HS6ST3: variants seen among roughly 807,000 people sequenced by gnomAD.
HS6ST3 encodes heparan sulfate 6-O-sulfotransferase 3, also known as heparan-sulfate 6-O-sulfotransferase 3.
In HS6ST3, 12 loss-of-function variants were observed where a neutral mutation model predicts 36.7. The observed-to-expected ratio is 0.33, with a 90% CI of 0.21 to 0.53. HS6ST3 has a LOEUF of 0.53. HS6ST3 is among the 20% of genes least tolerant of loss of function. HS6ST3 has a pLI of 0.95. For missense variants in HS6ST3, 584 were observed against 640.9 expected, an observed-to-expected ratio of 0.91 and a Z score of 0.96; for synonymous variants, 240 against 257.5, an observed-to-expected ratio of 0.93 and a Z score of 0.65.
intron 1 of HS6ST3, among the ~76,000 whole-genome samples, chr13:96,222,024 T>C (rs2054458198): frequency 1.3e-5 from 2 of 152,226 alleles, no homozygotes; most frequent in Admixed American, 1.3e-4. Context: ...AACTGTAGCA[T>C]GTTGATTTAA....
chr13:96,169,539 C>G (rs558590393), intron 1 of HS6ST3: 2 of 152,462 alleles, frequency 1.3e-5, no homozygotes, highest in South Asian at 4.2e-4. Flanking sequence ...GTCTTTGCAA[C>G]CATGAGCCCT....
At chr13:96,696,989 TA>T (rs1875146862) in intron 1 of HS6ST3, among the ~76,000 whole-genome samples, 1 of 151,520 alleles carries the variant, frequency 6.6e-6, no homozygotes, top group East Asian at 1.9e-4. Context: ...AATGCAGCAC[TA>T]AAAAAAAGCA....
rs188091902 is a variant in HS6ST3, at chr13:96,722,044, T to C, written c.708-110446T>C. Reference sequence around the variant, plus strand: ...CACTTTGGGAGGTTGGATGGGCGGATCACCTGAGGTCAGGAGTTTGAGACC... The same window carrying C: ...CACTTTGGGAGGTTGGATGGGCGGACCACCTGAGGTCAGGAGTTTGAGACC... On this transcript the variant is annotated intron_variant, in intron 1 of 1. Transcript: ENST00000376705. Among the ~76,000 whole-genome samples, 185 of 152,180 alleles carry C rather than the reference T, an allele frequency of 1.2e-3. 1 individual carries two copies. The highest frequency in any genetic ancestry group is 3.4e-3 in the Middle Eastern group (1 of 294).
intron 1 of HS6ST3, among the ~76,000 whole-genome samples, chr13:96,513,245 T>C (rs2056058151): frequency 6.6e-6 from 1 of 152,122 alleles, no homozygotes; most frequent in Non-Finnish European, 1.5e-5. Context: ...ACAATATATT[T>C]TGGCCTTGAT....
chr13:96,700,607 A>G (rs1416129788), intron 1 of HS6ST3, among the ~76,000 whole-genome samples: 1 of 152,190 alleles, frequency 6.6e-6, no homozygotes, highest in Non-Finnish European at 1.5e-5. Context: ...TTTTTATCTC[A>G]TATAAGAAAC....
At chr13:96,163,049 G>A (rs1195434144) in intron 1 of HS6ST3, among the ~76,000 whole-genome samples, 3 of 151,984 alleles carry the variant, frequency 2.0e-5, no homozygotes, top group Non-Finnish European at 2.9e-5. Context: ...CTTCTAACAA[G>A]GGGTGGAATG....
intron 1 of HS6ST3, among the ~76,000 whole-genome samples, chr13:96,607,009 A>C (rs949262392): frequency 6.6e-6 from 1 of 152,168 alleles, no homozygotes; most frequent in African/African-American, 2.4e-5. Flanking sequence ...TCCCTGTGGA[A>C]GAAACTTGGA....
At chr13:96,811,434 G>T (rs2138535352) in intron 1 of HS6ST3, among the ~76,000 whole-genome samples, 1 of 152,278 alleles carries the variant, frequency 6.6e-6, no homozygotes, top group Middle Eastern at 3.4e-3. Flanking sequence ...TGAATGTCTT[G>T]AGCTCTATGT....
intron 1 of HS6ST3, among the ~76,000 whole-genome samples, chr13:96,502,706 C>A (rs138012105): frequency 2.6e-5 from 4 of 152,080 alleles, no homozygotes; most frequent in Non-Finnish European, 5.9e-5. Flanking sequence ...ATGTCTGGGA[C>A]GGGAACATGC....
chr13:96,296,483 A>G (rs1429755048), intron 1 of HS6ST3, among the ~76,000 whole-genome samples: 2 of 152,134 alleles, frequency 1.3e-5, no homozygotes, highest in African/African-American at 4.8e-5. Context: ...ACTCTTGGGA[A>G]AGTGATGGTG....
At chr13:96,227,343 T>C (rs1363257755) in intron 1 of HS6ST3, among the ~76,000 whole-genome samples, 1 of 152,212 alleles carries the variant, frequency 6.6e-6, no homozygotes, top group Non-Finnish European at 1.5e-5. Flanking sequence ...AGCTGAGATA[T>C]AAAGTAGGAA....
At position 96,431,277 on chromosome 13, in the gene HS6ST3, A is replaced by AAAACCG. The variant is rs2055614558; in HGVS notation, c.707+339710_707+339711insACCGAA. ...CAACAAATAAACCAAAACCAAAACCAAACAGAAAAAGGAAATTAAAGAAAA... is the reference window on the plus strand; with the variant it reads ...CAACAAATAAACCAAAACCAAAACCAAAACCGAACAGAAAAAGGAAATTAAAGAAAA... On this transcript the variant is annotated intron_variant, in intron 1 of 1. Coordinates refer to ENST00000376705, the MANE Select transcript of HS6ST3 (RefSeq NM_153456.4). Among the ~76,000 whole-genome samples the AAAACCG allele has an allele frequency of 4.6e-5, 7 of 152,042 alleles. No homozygotes were observed. In the South Asian group the frequency reaches 1.0e-3, roughly 23 times the overall value.
At chr13:96,711,937 G>T (rs897454028) in intron 1 of HS6ST3, among the ~76,000 whole-genome samples, 1 of 152,182 alleles carries the variant, frequency 6.6e-6, no homozygotes, top group African/African-American at 2.4e-5. Flanking sequence ...ATTGAATATG[G>T]TTGCAATAAG....
intron 1 of HS6ST3, among the ~76,000 whole-genome samples, chr13:96,370,324 T>C (rs951498349): frequency 6.6e-6 from 1 of 152,202 alleles, no homozygotes; most frequent in African/African-American, 2.4e-5. Flanking sequence ...AGCTTTTCTC[T>C]CTCCCTTCAG....
chr13:96,473,778 A>G (rs2055850658), intron 1 of HS6ST3, among the ~76,000 whole-genome samples: 1 of 152,154 alleles, frequency 6.6e-6, no homozygotes, highest in African/African-American at 2.4e-5. Flanking sequence ...AGTAACTGAG[A>G]ATGTGGCTGG....
At chr13:96,580,473 T>C (rs2056337953) in intron 1 of HS6ST3, among the ~76,000 whole-genome samples, 1 of 151,736 alleles carries the variant, frequency 6.6e-6, no homozygotes, top group Admixed American at 6.6e-5. Flanking sequence ...TGCCTCATGA[T>C]CCTGACAACA....
chr13:96,494,190 A>G (rs1202940855), intron 1 of HS6ST3, among the ~76,000 whole-genome samples: 1 of 152,108 alleles, frequency 6.6e-6, no homozygotes, highest in Non-Finnish European at 1.5e-5. Flanking sequence ...TGGCACCTAT[A>G]CACCATGGAA....
intron 1 of HS6ST3, among the ~76,000 whole-genome samples, chr13:96,708,394 C>G (rs1267372144): frequency 6.6e-6 from 1 of 152,184 alleles, no homozygotes; most frequent in Non-Finnish European, 1.5e-5. Context: ...GCATGTCCAA[C>G]TTGAGAATAC....
chr13:96,712,308 A>T (rs1295072383), intron 1 of HS6ST3, among the ~76,000 whole-genome samples: 1 of 152,208 alleles, frequency 6.6e-6, no homozygotes, highest in Non-Finnish European at 1.5e-5. Flanking sequence ...CTCTCTTGAT[A>T]TCCAGATCTC....
Sources: gnomAD v4.1 joint callset for allele counts (sites outside exome capture counted in the v4.1 genomes callset) on GRCh38, gnomAD v4.1.1 for gene constraint, MANE v1.5 for transcripts, NCBI Gene and HGNC (gene_info 2026-07-23, HGNC 2026-07-21) for gene names.